PLPP3: variants seen among roughly 807,000 people sequenced by gnomAD.
PLPP3 encodes the protein PAP2 beta.
In PLPP3, 6 loss-of-function variants were observed where a neutral mutation model predicts 29.6. That is an observed-to-expected ratio of 0.20 (90% CI 0.11 to 0.40). The LOEUF is 0.40. Ranked by LOEUF, PLPP3 falls within the 10% of genes least tolerant of loss-of-function variation. The pLI, the probability that PLPP3 is intolerant of heterozygous loss-of-function variation, is 1.00. For synonymous variants in PLPP3, 152 were observed against 159.7 expected (o/e 0.95, Z 0.36); for missense variants, 308 against 407.7 (o/e 0.76, Z 2.11).
chr1:56,521,644 C>T (rs1270803491), intron 4 of PLPP3, among the ~76,000 whole-genome samples: 1 of 151,958 alleles, frequency 6.6e-6, no homozygotes, highest in Non-Finnish European at 1.5e-5. Context: ...CTCAAGGGAT[C>T]CTCTTATCTT....
chr1:56,540,923 C>T (rs1269722225), intron 1 of PLPP3, among the ~76,000 whole-genome samples: 1 of 152,174 alleles, frequency 6.6e-6, no homozygotes, highest in Non-Finnish European at 1.5e-5. Flanking sequence ...CCATCACCAT[C>T]TTTATTACCA....
intron 4 of PLPP3, among the ~76,000 whole-genome samples, chr1:56,520,127 C>G (rs764028034): frequency 4.6e-5 from 7 of 152,174 alleles, no homozygotes; most frequent in Non-Finnish European, 8.8e-5. Context: ...ACTCTTTCAT[C>G]TGACAGATGG....
At chr1:56,552,222 T>C (rs77902504) in intron 1 of PLPP3, among the ~76,000 whole-genome samples, 2 of 106,496 alleles carry the variant, frequency 1.9e-5, no homozygotes, top group African/African-American at 7.7e-5. Context: ...GAGGCACTTA[T>C]AAAAAAAAAA....
In PLPP3 at chr1:56,537,058, C is replaced by T. The variant is rs1189655666; in HGVS notation, c.194G>A (p.Gly65Glu). The change falls in exon 2 of 6, where the codon GGG becomes GAG. Residue 65 changes from glycine to glutamate, a missense_variant. Physicochemically the swap from Gly to Glu is moderately conservative, Grantham distance 98. Coordinates refer to ENST00000371250, the MANE Select transcript of PLPP3 (RefSeq NM_003713.5). Reference protein sequence around the residue: ...ETSTIKPYHRGFYCNDESIKY... With the variant: ...ETSTIKPYHREFYCNDESIKY... The stretch of plus-strand genomic sequence containing the variant: ...GATGCTCTCATCATTGCAGTAAAAC[C>T]CTCGGTGGTAAGGCTTGATGGTGCT... 6.2e-7 allele frequency: 1 copy of T among 1,613,482 alleles called. No individual in the cohort carries two copies. The highest frequency in any genetic ancestry group is 1.3e-5 in the African/African-American group (1 of 74,790).
At chr1:56,498,119 T>G (rs1478243436) in intron 5 of PLPP3, among the ~76,000 whole-genome samples, 3 of 152,236 alleles carry the variant, frequency 2.0e-5, no homozygotes, top group Non-Finnish European at 2.9e-5. Flanking sequence ...TGTAACATCT[T>G]AATACATTCA....
chr1:56,533,222 T>G (rs1438958294), intron 2 of PLPP3, among the ~76,000 whole-genome samples: 1 of 152,096 alleles, frequency 6.6e-6, no homozygotes, highest in Non-Finnish European at 1.5e-5. Context: ...GCCCAGCTTA[T>G]TTTTATACTT....
In PLPP3 at chr1:56,511,978, T is replaced by C; in HGVS notation, c.808A>G (p.Ile270Val). 1 of 1,613,422 alleles carries C rather than the reference T, an allele frequency of 6.2e-7. No individual in the cohort carries two copies. Among genetic ancestry groups the C allele is most frequent in the East Asian group, 2.2e-5 (1 of 44,784 alleles). The change falls in exon 5 of 6, where the codon ATA becomes GTA. Residue 270 changes from isoleucine to valine, a missense_variant and splice_region_variant. Ile to Val is a conservative substitution (Grantham distance 29). Transcript: ENST00000371250. ...ATTGAGGACAAGATGCTACTTACTA[T>C]GCAGCAGGCCACCAGGGCTCCTTGA... Reference protein sequence around the residue: ...FAQGALVACCIVFFVSDLFKT... With the variant: ...FAQGALVACCVVFFVSDLFKT...
At chr1:56,499,617 C>T (rs1224470700) in intron 5 of PLPP3, among the ~76,000 whole-genome samples, 1 of 152,196 alleles carries the variant, frequency 6.6e-6, no homozygotes, top group Non-Finnish European at 1.5e-5. Context: ...TGCACGGAGC[C>T]AAGCGGTGAG....
chr1:56,532,380 A>G (rs144476314), intron 2 of PLPP3, among the ~76,000 whole-genome samples: 4 of 151,904 alleles, frequency 2.6e-5, no homozygotes, highest in Non-Finnish European at 5.9e-5. Context: ...ACAACTGCAC[A>G]TTTTTCAGAG....
chr1:56,517,184 C>A (rs995044459), intron 4 of PLPP3, among the ~76,000 whole-genome samples: 10 of 152,192 alleles, frequency 6.6e-5, no homozygotes, highest in Non-Finnish European at 2.9e-5. Context: ...TTCCTTAGGT[C>A]CCTGCCTACC....
At chr1:56,540,196 G>T (rs1329620396) in intron 1 of PLPP3, among the ~76,000 whole-genome samples, 1 of 152,096 alleles carries the variant, frequency 6.6e-6, no homozygotes, top group African/African-American at 2.4e-5. Context: ...TAACTTTAGG[G>T]TGGTTGGGAT....
chr1:56,562,036 CAAAAAAAAAAA>C (rs71048439), intron 1 of PLPP3, among the ~76,000 whole-genome samples: 1 of 50,970 alleles, frequency 2.0e-5, no homozygotes, highest in Non-Finnish European at 3.1e-5. Context: ...CTCCGTTTCA[CAAAAAAAAAAA>C]AAAAAAAAAA....
intron 1 of PLPP3, among the ~76,000 whole-genome samples, chr1:56,550,263 C>T (rs1482187787): frequency 6.6e-6 from 1 of 152,182 alleles, no homozygotes; most frequent in African/African-American, 2.4e-5. Context: ...CATTCGGATA[C>T]ACTGGGAGAA....
Position 56,579,365 on chromosome 1 carries a change from G to A in PLPP3, c.-349C>T, listed in dbSNP as rs1470212238. The A allele has an allele frequency of 1.8e-5, 5 of 275,674 alleles. No individual in the cohort carries two copies. Among genetic ancestry groups the A allele is most frequent in the Non-Finnish European group, 3.4e-5 (5 of 146,294 alleles). 17.1% of individuals were successfully genotyped at this position (275,674 alleles called of 1,614,324 possible). A position where few individuals can be genotyped will look rare whatever the true frequency, so the allele number is the denominator to read the frequency against. On this transcript the variant is annotated 5_prime_UTR_variant, in exon 1 of 6. Transcript: ENST00000371250. ...GAGTGCGCGAGCGAGCGAGTGGGCA[G>A]CGCGGGCGCTCGGCCACCTTCCTCC...
At chr1:56,497,633 C>T (rs1369214934) in intron 5 of PLPP3, among the ~76,000 whole-genome samples, 1 of 152,174 alleles carries the variant, frequency 6.6e-6, no homozygotes, top group African/African-American at 2.4e-5. Context: ...CACCCAACAG[C>T]CTTCTGAATT....
At chr1:56,557,501 A>C (rs1220863428) in intron 1 of PLPP3, among the ~76,000 whole-genome samples, 3 of 152,204 alleles carry the variant, frequency 2.0e-5, no homozygotes, top group Non-Finnish European at 4.4e-5. Flanking sequence ...CGTATCTTTT[A>C]ACTTCATAGC....
chr1:56,522,412 G>A (rs988861810), intron 4 of PLPP3, among the ~76,000 whole-genome samples: 15 of 152,024 alleles, frequency 9.9e-5, no homozygotes, highest in Non-Finnish European at 1.5e-4. Context: ...ATAAAACATC[G>A]AAATTACATT....
At chr1:56,538,172 T>C (rs1645940841) in intron 1 of PLPP3, among the ~76,000 whole-genome samples, 1 of 152,166 alleles carries the variant, frequency 6.6e-6, no homozygotes, top group Non-Finnish European at 1.5e-5. Flanking sequence ...TAAGTATGAC[T>C]TTAGGAGTTC....
At chr1:56,516,539 A>G (rs555366282) in intron 4 of PLPP3, among the ~76,000 whole-genome samples, 1 of 152,266 alleles carries the variant, frequency 6.6e-6, no homozygotes, top group South Asian at 2.1e-4. Context: ...AAGTCTAATC[A>G]TCTTGACCTC....
Sources: allele counts gnomAD v4.1 joint callset (sites outside exome capture counted in the v4.1 genomes callset), GRCh38; gene constraint gnomAD v4.1.1; transcripts MANE v1.5; gene names NCBI Gene and HGNC (gene_info 2026-07-23, HGNC 2026-07-21).